TMEM132D: variants seen among roughly 807,000 people sequenced by gnomAD.
TMEM132D encodes the protein transmembrane protein 132D.
TMEM132D carries 21 observed loss-of-function variants against 62.3 expected under a neutral mutation model. That is an observed-to-expected ratio of 0.34 (90% CI 0.24 to 0.49). The LOEUF (loss-of-function observed/expected upper bound fraction) is 0.49, where lower values mean the gene tolerates loss of function less well. TMEM132D is among the 20% of genes least tolerant of loss of function. The pLI, the probability that TMEM132D is intolerant of heterozygous loss-of-function variation, is 0.99. For synonymous variants in TMEM132D, 621 were observed against 575.6 expected, an observed-to-expected ratio of 1.08 and a Z score of -1.13; for missense variants, 1,346 against 1,402.8, an observed-to-expected ratio of 0.96 and a Z score of 0.65.
intron 5 of TMEM132D, among the ~76,000 whole-genome samples, chr12:129,130,508 G>A (rs1876345200): frequency 6.6e-6 from 1 of 152,176 alleles, no homozygotes; most frequent in Non-Finnish European, 1.5e-5. Flanking sequence ...TGCTGCCTGA[G>A]AGGACCCACC....
At chr12:129,744,317 C>G (rs1308208108) in intron 1 of TMEM132D, among the ~76,000 whole-genome samples, 2 of 152,168 alleles carry the variant, frequency 1.3e-5, no homozygotes, top group Non-Finnish European at 2.9e-5. Flanking sequence ...TTCCTCAACT[C>G]TGTACCAAAG....
intron 4 of TMEM132D, among the ~76,000 whole-genome samples, chr12:129,223,437 C>A (rs2135574695): frequency 6.6e-6 from 1 of 152,198 alleles, no homozygotes; most frequent in East Asian, 1.9e-4. Context: ...AATCGGTATC[C>A]CCCACAGCAG....
chr12:129,335,725 CT>C (rs1393797983), intron 4 of TMEM132D, among the ~76,000 whole-genome samples: 1 of 89,356 alleles, frequency 1.1e-5, no homozygotes, highest in Non-Finnish European at 2.8e-5. Context: ...CTTAGAATAC[CT>C]TTTCTTTTAT....
chr12:129,669,870 G>T (rs1469419435), intron 2 of TMEM132D, among the ~76,000 whole-genome samples: 17 of 152,092 alleles, frequency 1.1e-4, no homozygotes, highest in Admixed American at 1.0e-3. Context: ...ATAGATGAGG[G>T]TACTAATGTT....
intron 3 of TMEM132D, among the ~76,000 whole-genome samples, chr12:129,473,323 TG>T (rs373891750): frequency 0.1 from 11,067 of 106,452 alleles, 994 homozygotes; most frequent in South Asian, 0.2. Flanking sequence ...TTTTAGTTTT[TG>T]TTTTTTTTTT....
intron 5 of TMEM132D, among the ~76,000 whole-genome samples, chr12:129,177,584 C>T (rs1196269805): frequency 6.6e-6 from 1 of 151,918 alleles, no homozygotes; most frequent in Non-Finnish European, 1.5e-5. Context: ...ATAGTGAGAC[C>T]CCATCTCTAC....
intron 1 of TMEM132D, among the ~76,000 whole-genome samples, chr12:129,788,763 C>T (rs1472527437): frequency 2.0e-5 from 3 of 151,984 alleles, no homozygotes; most frequent in Non-Finnish European, 4.4e-5. Flanking sequence ...TCTCTGCTCT[C>T]GGGGAGTCAA....
intron 5 of TMEM132D, among the ~76,000 whole-genome samples, chr12:129,087,999 GTGT>G (rs1565959572): frequency 1.7e-4 from 14 of 80,088 alleles, no homozygotes; most frequent in Middle Eastern, 7.9e-3. Flanking sequence ...CATGACCGGG[GTGT>G]CCTCCATGAC....
At chr12:129,130,115 T>C (rs1303055156) in intron 5 of TMEM132D, among the ~76,000 whole-genome samples, 3 of 149,692 alleles carry the variant, frequency 2.0e-5, no homozygotes, top group African/African-American at 7.3e-5. Flanking sequence ...CACTGGGGTG[T>C]TCACTGTGAT....
intron 1 of TMEM132D, among the ~76,000 whole-genome samples, chr12:129,762,810 G>C (rs967062726): frequency 6.6e-6 from 1 of 152,100 alleles, no homozygotes; most frequent in Non-Finnish European, 1.5e-5. Context: ...TTCTATGCAC[G>C]GAGGAGCTGA....
At chr12:129,327,803 C>T (rs891587199) in intron 4 of TMEM132D, among the ~76,000 whole-genome samples, 1 of 152,190 alleles carries the variant, frequency 6.6e-6, no homozygotes, top group Non-Finnish European at 1.5e-5. Flanking sequence ...CTGATCTCCT[C>T]ATAGCATTCA....
intron 3 of TMEM132D, among the ~76,000 whole-genome samples, chr12:129,350,078 G>A (rs1054673141): frequency 2.6e-5 from 4 of 152,170 alleles, no homozygotes; most frequent in Admixed American, 1.3e-4. Context: ...GGTCCCTAAG[G>A]GAAATCTGCA....
intron 4 of TMEM132D, among the ~76,000 whole-genome samples, chr12:129,261,927 A>G (rs1302617373): frequency 2.0e-5 from 3 of 152,206 alleles, no homozygotes; most frequent in Admixed American, 6.5e-5. Flanking sequence ...TTCAGCCCAT[A>G]ACAGGATACT....
In TMEM132D at chr12:129,109,172, C is replaced by T. The variant is rs142035919; in HGVS notation, c.1444-24470G>A. ...CAATAGGATGTGTTCAGAGCTTCTGCGGGAGGAAGAGACCCCAGGCCCGAA... is the reference window on the plus strand; with the variant it reads ...CAATAGGATGTGTTCAGAGCTTCTGTGGGAGGAAGAGACCCCAGGCCCGAA... On this transcript the variant is annotated intron_variant, in intron 5 of 8. Coordinates refer to ENST00000422113, the MANE Select transcript of TMEM132D (RefSeq NM_133448.3). Among the ~76,000 whole-genome samples, 88 of 152,302 alleles carry T rather than the reference C, an allele frequency of 5.8e-4. 1 individual carries two copies. In the East Asian group the frequency reaches 7.0e-3, roughly 12 times the overall value.
At chr12:129,196,951 G>T (rs1030763005) in intron 5 of TMEM132D, among the ~76,000 whole-genome samples, 1 of 152,152 alleles carries the variant, frequency 6.6e-6, no homozygotes, top group African/African-American at 2.4e-5. Context: ...GGGAAGTAGG[G>T]TGTCAGTAAA....
intron 2 of TMEM132D, among the ~76,000 whole-genome samples, chr12:129,595,291 T>A (rs912505122): frequency 6.6e-6 from 1 of 152,188 alleles, no homozygotes; most frequent in African/African-American, 2.4e-5. Context: ...AGATAGTGCA[T>A]ACGTAGACAA....
intron 4 of TMEM132D, among the ~76,000 whole-genome samples, chr12:129,282,250 G>T (rs1166292880): frequency 6.6e-6 from 1 of 152,160 alleles, no homozygotes; most frequent in African/African-American, 2.4e-5. Context: ...GGCATCTCCA[G>T]GTGGGATTGG....
chr12:129,448,825 A>G (rs1344283307), intron 3 of TMEM132D, among the ~76,000 whole-genome samples: 1 of 152,220 alleles, frequency 6.6e-6, no homozygotes, highest in East Asian at 1.9e-4. Flanking sequence ...AGCCTAAAGT[A>G]TTTTGAAGTA....
At chr12:129,248,749 C>G (rs1046789301) in intron 4 of TMEM132D, among the ~76,000 whole-genome samples, 3 of 152,122 alleles carry the variant, frequency 2.0e-5, no homozygotes, top group Admixed American at 2.0e-4. Flanking sequence ...TCTGCTGTTC[C>G]CCTCTCTGTG....
Sources: allele counts gnomAD v4.1 joint callset (sites outside exome capture counted in the v4.1 genomes callset), GRCh38; gene constraint gnomAD v4.1.1; transcripts MANE v1.5; gene names NCBI Gene and HGNC (gene_info 2026-07-23, HGNC 2026-07-21).